GCNT2: variants seen among roughly 807,000 people sequenced by gnomAD.
The protein encoded by GCNT2 is glucosaminyl (N-acetyl) transferase 2 (I blood group), also known as N-acetyllactosaminide beta-1,6-N-acetylglucosaminyl-transferase.
Under a neutral mutation model 34.2 loss-of-function variants are expected in GCNT2, and 34 were observed. The ratio of observed to expected loss-of-function variants is 1.00; its 90% CI spans 0.76 to 1.32. The LOEUF (loss-of-function observed/expected upper bound fraction) is 1.32. Among genes scored for constraint, GCNT2 ranks in the 40% most tolerant of loss-of-function variants. The pLI, the probability that GCNT2 is intolerant of heterozygous loss-of-function variation, is 0.00. For missense variants in GCNT2, 584 were observed against 489.4 expected (o/e 1.19, Z -1.82); for synonymous variants, 212 against 188.0 (o/e 1.13, Z -1.04).
chr6:10,604,300 T>C (rs1765217534), intron 3 of GCNT2, among the ~76,000 whole-genome samples: 1 of 152,198 alleles, frequency 6.6e-6, no homozygotes, highest in African/African-American at 2.4e-5. Context: ...GAAATTATTC[T>C]AATAACCACT....
rs1433264039 is a variant in GCNT2 at position 10,529,855 on chromosome 6, T to A, written c.925+19T>A. Reference sequence around the variant, plus strand: ...ATTCCCGGTATGTACGTCTCTTAACTTTTATTTTTACGAATAAACACTGCA... The same window carrying A: ...ATTCCCGGTATGTACGTCTCTTAACATTTATTTTTACGAATAAACACTGCA... On this transcript the variant is annotated intron_variant, in intron 3 of 4. Transcript: ENST00000495262. 6 of 1,589,112 alleles carry A rather than the reference T, an allele frequency of 3.8e-6. No individual in the cohort carries two copies. The African/African-American group carries it at 6.7e-5, about 18-fold the overall frequency.
intron 3 of GCNT2, among the ~76,000 whole-genome samples, chr6:10,565,999 G>T (rs567660822): frequency 1.2e-4 from 18 of 152,238 alleles, no homozygotes; most frequent in African/African-American, 4.1e-4. Context: ...ACCAAACACA[G>T]AGAGCTCCTC....
intron 3 of GCNT2, among the ~76,000 whole-genome samples, chr6:10,608,292 G>T (rs1228692001): frequency 6.6e-6 from 1 of 151,914 alleles, no homozygotes; most frequent in Non-Finnish European, 1.5e-5. Flanking sequence ...GGTCAGGCTG[G>T]TCTCAAACTC....
intron 1 of GCNT2, chr6:10,521,706 G>A (rs1490662702): frequency 6.6e-6 from 1 of 150,900 alleles, no homozygotes; most frequent in Admixed American, 6.6e-5. Context: ...ATTACATGAT[G>A]GGCCTACTGG....
intron 3 of GCNT2, among the ~76,000 whole-genome samples, chr6:10,564,268 A>T (rs1487095280): frequency 2.0e-5 from 3 of 152,204 alleles, no homozygotes; most frequent in Admixed American, 2.0e-4. Flanking sequence ...GCCCTGTTCC[A>T]AAAGCAGGAA....
At position 10,623,184 on chromosome 6, in the gene GCNT2, A is replaced by G. The variant is rs578075102; in HGVS notation, c.1018+1741A>G. Among the ~76,000 whole-genome samples, 499 of 152,134 alleles carry G rather than the reference A, an allele frequency of 3.3e-3. 2 individuals carry two copies. The highest frequency in any genetic ancestry group is 6.9e-3 in the Admixed American group (105 of 15,268). On this transcript the variant is annotated intron_variant, in intron 4 of 4. Coordinates refer to ENST00000495262, the MANE Select transcript of GCNT2 (RefSeq NM_145649.5). Reference sequence around the variant, plus strand: ...TGGTCTCATCCCACTGTGGACAGCAATGTTTTCATGCAACTGTAAAGAAAT... The same window carrying G: ...TGGTCTCATCCCACTGTGGACAGCAGTGTTTTCATGCAACTGTAAAGAAAT...
In GCNT2 at chr6:10,582,285, TATA is replaced by T. The variant is rs1393111619; in HGVS notation, c.926-39062_926-39060del. On this transcript the variant is annotated intron_variant, in intron 3 of 4. Transcript: ENST00000495262. Reference sequence around the variant, plus strand: ...ACTATATATTAAATATATAAATATATATAATATTACTATATATTTAATATATAG... The same window carrying T: ...ACTATATATTAAATATATAAATATATATATTACTATATATTTAATATATAG... 5.6e-3 allele frequency among the ~76,000 whole-genome samples: 528 copies of T among 93,638 alleles called. 6 individuals carry two copies. The highest frequency in any genetic ancestry group is 0.016 in the African/African-American group (419 of 25,724). The allele number at this position is 93,638 out of a possible 152,430, so 61.4% of individuals were successfully genotyped here.
intron 4 of GCNT2, among the ~76,000 whole-genome samples, chr6:10,626,192 A>G (rs926353931): frequency 6.6e-6 from 1 of 152,214 alleles, no homozygotes; most frequent in African/African-American, 2.4e-5. Flanking sequence ...TATGCCTTGT[A>G]TGATTTAACT....
chr6:10,526,069 A>G (rs1761168882), intron 1 of GCNT2, among the ~76,000 whole-genome samples: 2 of 152,252 alleles, frequency 1.3e-5, no homozygotes, highest in Admixed American at 1.3e-4. Context: ...CAGGGTCTAA[A>G]GAGACGTTAA....
rs1762691685 is a variant in GCNT2 at position 10,556,172 on chromosome 6, G to T, written c.925+26336G>T. The T allele has an allele frequency of 3.6e-6, 5 of 1,373,298 alleles. No individual in the cohort carries two copies. In the East Asian group the frequency reaches 1.5e-4, roughly 40 times the overall value. The allele number at this position is 1,373,298 out of a possible 1,614,324, so 85.1% of individuals were successfully genotyped here. A position where few individuals can be genotyped will look rare whatever the true frequency, so the allele number is the denominator to read the frequency against. ...GGAGGCAGAGGGAGGAGGGAAGGCT[G>T]GGCTTCAGCAACCTGCCACGGGGAT... On this transcript the variant is annotated intron_variant, in intron 3 of 4. Coordinates refer to ENST00000495262, the MANE Select transcript of GCNT2 (RefSeq NM_145649.5).
intron 3 of GCNT2, among the ~76,000 whole-genome samples, chr6:10,584,344 C>T (rs1362369687): frequency 6.6e-6 from 1 of 152,200 alleles, no homozygotes; most frequent in Non-Finnish European, 1.5e-5. Flanking sequence ...CATGATGTCT[C>T]ACCTGTATCC....
chr6:10,595,941 C>A (rs941572402), intron 3 of GCNT2, among the ~76,000 whole-genome samples: 28 of 152,140 alleles, frequency 1.8e-4, no homozygotes, highest in South Asian at 4.2e-4. Context: ...AGCAAAAAAA[C>A]CGAAAATGTA....
chr6:10,578,151 G>A (rs1219896435), intron 3 of GCNT2, among the ~76,000 whole-genome samples: 2 of 151,988 alleles, frequency 1.3e-5, no homozygotes, highest in South Asian at 2.1e-4. Context: ...AGCACTTTGG[G>A]AGGCCAAGGT....
chr6:10,550,531 C>T (rs1762438469), intron 3 of GCNT2, among the ~76,000 whole-genome samples: 1 of 152,124 alleles, frequency 6.6e-6, no homozygotes, highest in Non-Finnish European at 1.5e-5. Flanking sequence ...TGCTTTGTCA[C>T]CCAGGCTAGA....
intron 1 of GCNT2, among the ~76,000 whole-genome samples, chr6:10,523,984 A>C (rs1049624504): frequency 2.0e-5 from 3 of 150,698 alleles, no homozygotes; most frequent in South Asian, 2.1e-4. Flanking sequence ...AAAAAAAAAA[A>C]AAAAAAAAAC....
chr6:10,615,304 G>C (rs765605657), intron 3 of GCNT2, among the ~76,000 whole-genome samples: 1 of 152,088 alleles, frequency 6.6e-6, no homozygotes, highest in Non-Finnish European at 1.5e-5. Flanking sequence ...TGATACAAGA[G>C]GCCTGGCGTG....
chr6:10,528,816 G>A lies in GCNT2; in HGVS notation c.-96G>A. ...CAGACGAGAGCTTCAGCCATCACGA[G>A]GATGATTTCGGAACCTGGAGAAAAT... On this transcript the variant is annotated 5_prime_UTR_variant, in exon 3 of 5. Coordinates refer to ENST00000495262, the MANE Select transcript of GCNT2 (RefSeq NM_145649.5). The A allele has an allele frequency of 1.0e-6, 1 of 969,920 alleles. No homozygotes were observed. The highest frequency in any genetic ancestry group is 1.7e-6 in the Non-Finnish European group (1 of 601,848). The allele number at this position is 969,920 out of a possible 1,614,324, so 60.1% of individuals were successfully genotyped here.
At position 10,574,914 on chromosome 6, in the gene GCNT2, G is replaced by C. The variant is rs114696208; in HGVS notation, c.925+45078G>C. On this transcript the variant is annotated intron_variant, in intron 3 of 4. Transcript: ENST00000495262. Reference sequence around the variant, plus strand: ...GATCGTTTTTCTTCAAGCGTTTCAGGAAGCTAGCTCGGCTCTTAGAGTGCT... The same window carrying C: ...GATCGTTTTTCTTCAAGCGTTTCAGCAAGCTAGCTCGGCTCTTAGAGTGCT... 1,841 of 706,236 alleles carry C rather than the reference G, an allele frequency of 2.6e-3. 23 individuals carry two copies. The African/African-American group carries it at 0.028, about 11-fold the overall frequency. The allele number at this position is 706,236 out of a possible 1,614,324, so 43.7% of individuals were successfully genotyped here.
intron 3 of GCNT2, among the ~76,000 whole-genome samples, chr6:10,550,147 G>T (rs933473455): frequency 6.6e-6 from 1 of 152,024 alleles, no homozygotes; most frequent in African/African-American, 2.4e-5. Context: ...TCTGCTTCCC[G>T]GGTTCAAGTA....
Sources: allele counts gnomAD v4.1 joint callset (sites outside exome capture counted in the v4.1 genomes callset), GRCh38; gene constraint gnomAD v4.1.1; transcripts MANE v1.5; gene names NCBI Gene and HGNC (gene_info 2026-07-23, HGNC 2026-07-21).